Variants in TAF1B observed in about 807,000 individuals in gnomAD.
TAF1B encodes TATA-box binding protein associated factor, RNA polymerase I subunit B, also known as TATA box-binding protein-associated factor RNA polymerase I subunit B.
Under a neutral mutation model 83.9 loss-of-function variants are expected in TAF1B, and 61 were observed. That is an observed-to-expected ratio of 0.73 (90% CI 0.59 to 0.90). The LOEUF (loss-of-function observed/expected upper bound fraction) is 0.90, where lower values mean the gene tolerates loss of function less well. Among genes scored for constraint, TAF1B ranks in the 40% least tolerant of loss-of-function variants. The probability of loss-of-function intolerance (pLI) is 0.00; values close to 1 mark genes in which losing one functional copy is unlikely to be tolerated. For missense variants in TAF1B, 625 were observed against 677.0 expected (o/e 0.92, Z 0.85); for synonymous variants, 221 against 224.6 (o/e 0.98, Z 0.14).
At chr2:9,888,790 GT>G (rs56125595) in intron 8 of TAF1B, among the ~76,000 whole-genome samples, 5,009 of 81,154 alleles carry the variant, frequency 0.062, 543 homozygotes, top group Middle Eastern at 0.12. Flanking sequence ...CTTCTGCTTG[GT>G]TTTTTTTTTT....
At chr2:9,910,553 G>A (rs1431436631) in intron 9 of TAF1B, among the ~76,000 whole-genome samples, 183 bp from the exon 10 acceptor site, 7 of 152,144 alleles carry the variant, frequency 4.6e-5, no homozygotes, top group South Asian at 4.1e-4. Context: ...ATGATACGCC[G>A]TTTTAAGATT....
Position 9,934,056 on chromosome 2 carries a change from C to T in TAF1B, c.*72C>T. ...TAACATCAGATTTTAATATAACATT[C>T]CAGAGAATTGTGGAAAATACTGCAT... On this transcript the variant is annotated 3_prime_UTR_variant, in exon 15 of 15. Transcript: ENST00000263663. 1 of 1,254,252 alleles carries T rather than the reference C, an allele frequency of 8.0e-7. No individual in the cohort carries two copies. The highest frequency in any genetic ancestry group is 1.1e-6 in the Non-Finnish European group (1 of 911,728). The allele number at this position is 1,254,252 out of a possible 1,614,324, so 77.7% of individuals were successfully genotyped here.
intron 14 of TAF1B, among the ~76,000 whole-genome samples, chr2:9,922,118 T>C (rs867260045): frequency 6.6e-6 from 1 of 152,228 alleles, no homozygotes; most frequent in African/African-American, 2.4e-5. Context: ...TATAGAATCA[T>C]AGAATCGGGC....
intron 5 of TAF1B, among the ~76,000 whole-genome samples, chr2:9,859,541 CA>C (rs1276837113): frequency 5.3e-5 from 8 of 152,054 alleles, no homozygotes; most frequent in Non-Finnish European, 1.0e-4. Context: ...TGCATGCCAC[CA>C]TGCCCAACTA....
At chr2:9,859,386 A>AT (rs34951709) in intron 5 of TAF1B, among the ~76,000 whole-genome samples, 13,433 of 133,334 alleles carry the variant, frequency 0.1, 771 homozygotes, top group Admixed American at 0.13. Flanking sequence ...CACTATCAGC[A>AT]TTTTTTTTTT....
At chr2:9,850,027 A>ATG (rs3032347) in intron 3 of TAF1B, among the ~76,000 whole-genome samples, 4,688 of 123,564 alleles carry the variant, frequency 0.038, 222 homozygotes, top group African/African-American at 0.11. Flanking sequence ...ATATATATAT[A>ATG]TGTGTGTGTG....
At position 9,896,861 on chromosome 2, in the gene TAF1B, A is replaced by G. The variant is rs1665035375; in HGVS notation, c.808-7998A>G. Among the ~76,000 whole-genome samples the G allele has an allele frequency of 3.9e-5, 6 of 152,298 alleles. No individual in the cohort carries two copies. The South Asian group carries it at 1.2e-3, about 32-fold the overall frequency. On this transcript the variant is annotated intron_variant, in intron 8 of 14. Transcript: ENST00000263663. ...CTTCCTGCCATTATCCTGACTTAAG[A>G]GCAGAGCAGAGCTCAGGAGAGGAGA...
At chr2:9,871,607 C>T (rs895248598) in intron 6 of TAF1B, among the ~76,000 whole-genome samples, 4 of 152,148 alleles carry the variant, frequency 2.6e-5, no homozygotes, top group Non-Finnish European at 5.9e-5. Flanking sequence ...GATAGCTATT[C>T]TTACTTAAAC....
chr2:9,904,954 T>TCTTCATCCCAACATACTG lies in TAF1B; in HGVS notation c.904_921dup (p.Leu302_Leu307dup). ...TTCCAGACATAACTGAAGACTGCTA[T>TCTTCATCCCAACATACTG]CTTCATCCCAACATACTGTGTATGA... On this transcript the variant is annotated inframe_insertion, in exon 9 of 15. Coordinates refer to ENST00000263663, the MANE Select transcript of TAF1B (RefSeq NM_005680.3). 1.2e-6 allele frequency: 2 copies of TCTTCATCCCAACATACTG among 1,612,710 alleles called. No homozygotes were observed. The highest frequency in any genetic ancestry group is 1.7e-6 in the Non-Finnish European group (2 of 1,178,752).
At chr2:9,889,528 T>C (rs959229263) in intron 8 of TAF1B, among the ~76,000 whole-genome samples, 2 of 152,212 alleles carry the variant, frequency 1.3e-5, no homozygotes, top group East Asian at 1.9e-4. Flanking sequence ...TTGTAATAGA[T>C]GTTTTAAAAC....
chr2:9,874,030 C>A (rs1030250971), intron 6 of TAF1B, among the ~76,000 whole-genome samples: 1 of 152,122 alleles, frequency 6.6e-6, no homozygotes, highest in African/African-American at 2.4e-5. Context: ...CAAAATTCTA[C>A]ATAATGTAGT....
intron 8 of TAF1B, among the ~76,000 whole-genome samples, chr2:9,894,969 A>G (rs1001359718): frequency 7.9e-5 from 12 of 152,238 alleles, no homozygotes; most frequent in Admixed American, 6.5e-4. Flanking sequence ...GAGGACTCCA[A>G]TAGGTTTTTA....
intron 8 of TAF1B, among the ~76,000 whole-genome samples, chr2:9,903,365 G>A (rs1302040550): frequency 6.6e-6 from 1 of 152,166 alleles, no homozygotes; most frequent in Non-Finnish European, 1.5e-5. Context: ...GATTACAGGT[G>A]TGGGCCACCG....
In TAF1B at chr2:9,868,380, T is replaced by C; in HGVS notation, c.504T>C (p.Ser168=). The C allele has an allele frequency of 1.2e-6, 2 of 1,614,074 alleles. No homozygotes were observed. The highest frequency in any genetic ancestry group is 1.7e-6 in the Non-Finnish European group (2 of 1,179,942). The change falls in exon 6 of 15, where the codon TCT becomes TCC. Residue 168 remains serine, a synonymous_variant. Transcript: ENST00000263663. ...PFLESGAESQ[S]DIHTRKPFPV... is the part of the protein sequence containing the mutation. ...TTGAAAGTGGAGCGGAGTCTCAGTC[T>C]GACATCCACACTCGAAAACCTTTCC...
Position 9,888,790 on chromosome 2 carries a change from GTTTTT to G in TAF1B, c.807+6011_807+6015del, listed in dbSNP as rs56125595. 7.4e-3 allele frequency among the ~76,000 whole-genome samples: 605 copies of G among 81,676 alleles called. 16 individuals are homozygous for G. Among genetic ancestry groups the G allele is most frequent in the African/African-American group, 0.042 (541 of 12,942 alleles). The allele number at this position is 81,676 out of a possible 152,430, so 53.6% of individuals were successfully genotyped here. ...GTTTTCTTTATGTTTCTTCTGCTTG[GTTTTT>G]TTTTTTTTTTTTTTTTTTTTTTTTT... is the stretch of plus-strand genomic sequence containing the variant. On this transcript the variant is annotated intron_variant, in intron 8 of 14. Transcript: ENST00000263663.
intron 8 of TAF1B, among the ~76,000 whole-genome samples, chr2:9,894,169 G>A (rs957062745): frequency 2.6e-5 from 4 of 152,038 alleles, no homozygotes; most frequent in East Asian, 1.9e-4. Flanking sequence ...CTATAATTCC[G>A]TCTACAAAAT....
At chr2:9,927,078 T>C (rs1361134747) in intron 14 of TAF1B, among the ~76,000 whole-genome samples, 1 of 128,202 alleles carries the variant, frequency 7.8e-6, no homozygotes, top group Non-Finnish European at 1.6e-5. Flanking sequence ...TGTCCAAGTG[T>C]TCTCATTGTT....
intron 8 of TAF1B, among the ~76,000 whole-genome samples, chr2:9,902,723 T>C (rs1453967662): frequency 6.6e-6 from 1 of 152,232 alleles, no homozygotes; most frequent in Non-Finnish European, 1.5e-5. Context: ...ATGTCTTTTA[T>C]GGGCATGCAT....
chr2:9,869,840 C>G (rs1664109899), intron 6 of TAF1B, among the ~76,000 whole-genome samples: 2 of 151,780 alleles, frequency 1.3e-5, no homozygotes, highest in South Asian at 2.1e-4. Flanking sequence ...CCACTGCACT[C>G]CAGTGTAGGT....
Sources: gnomAD v4.1 joint callset for allele counts (sites outside exome capture counted in the v4.1 genomes callset) on GRCh38, gnomAD v4.1.1 for gene constraint, MANE v1.5 for transcripts, NCBI Gene and HGNC (gene_info 2026-07-23, HGNC 2026-07-21) for gene names.